The following EXOC2 variants were observed in gnomAD, a reference collection of about 807,000 sequenced individuals.
EXOC2 encodes exocyst complex component 2.
A neutral mutation model predicts 131.8 loss-of-function variants in EXOC2; 70 were observed. The observed-to-expected ratio is 0.53, with a 90% CI of 0.44 to 0.65. The LOEUF is 0.65. EXOC2 is among the 30% of genes least tolerant of loss of function. EXOC2 has a pLI of 0.00. For missense variants in EXOC2, 923 were observed against 1,108.6 expected, an observed-to-expected ratio of 0.83 and a Z score of 2.38; for synonymous variants, 411 against 398.4, an observed-to-expected ratio of 1.03 and a Z score of -0.38.
intron 4 of EXOC2, among the ~76,000 whole-genome samples, chr6:627,077 T>G (rs897414243): frequency 1.3e-4 from 20 of 152,222 alleles, no homozygotes; most frequent in African/African-American, 4.8e-4. Context: ...AATACCATCC[T>G]CTACCAAAGC....
In EXOC2 at chr6:486,786, T is replaced by C. The variant is rs1763084263; in HGVS notation, c.2682-22A>G. 7 of 1,601,566 alleles carry C rather than the reference T, an allele frequency of 4.4e-6. No individual in the cohort carries two copies. The East Asian group carries it at 1.6e-4, about 36-fold the overall frequency. ...TAACCTGCAGGACGGAGACACTTGT[T>C]TTACAGCCCGACAGATGGGGCGGCC... On this transcript the variant is annotated intron_variant, in intron 27 of 27. Transcript: ENST00000230449.
chr6:487,953 C>G (rs1028853505), intron 27 of EXOC2, among the ~76,000 whole-genome samples: 1 of 152,192 alleles, frequency 6.6e-6, no homozygotes, highest in Non-Finnish European at 1.5e-5. Context: ...GTAGCAGTGA[C>G]TGTTTCAATC....
intron 21 of EXOC2, among the ~76,000 whole-genome samples, chr6:550,732 C>T (rs1350293970): frequency 3.3e-5 from 5 of 152,194 alleles, no homozygotes; most frequent in East Asian, 1.9e-4. Context: ...GTCACCATGA[C>T]GCAGTCCCTG....
chr6:608,132 C>T (rs1411215959), intron 7 of EXOC2, among the ~76,000 whole-genome samples: 1 of 152,244 alleles, frequency 6.6e-6, no homozygotes, highest in African/African-American at 2.4e-5. Context: ...AAAATAAATT[C>T]AATTTTCAAC....
At chr6:516,843 T>TA (rs1329225183) in intron 23 of EXOC2, among the ~76,000 whole-genome samples, 2 of 152,214 alleles carry the variant, frequency 1.3e-5, no homozygotes, top group African/African-American at 4.8e-5. Context: ...CTCAGAAGCC[T>TA]AAATTCTCAG....
chr6:551,943 C>T (rs1182914686), intron 21 of EXOC2, among the ~76,000 whole-genome samples: 1 of 152,136 alleles, frequency 6.6e-6, no homozygotes, highest in Admixed American at 6.5e-5. Flanking sequence ...TATATTTGGC[C>T]CTTCTCTCAT....
chr6:592,728 TATATTCA>T, intron 10 of EXOC2, 141 bp from the exon 11 acceptor site: 1 of 622,154 alleles, frequency 1.6e-6, no homozygotes, highest in Non-Finnish European at 2.8e-6. Flanking sequence ...CTCAATGAAA[TATATTCA>T]AATTTCTTGG....
chr6:533,463 C>T (rs1032963317), intron 22 of EXOC2, among the ~76,000 whole-genome samples: 1 of 152,046 alleles, frequency 6.6e-6, no homozygotes, highest in Admixed American at 6.5e-5. Flanking sequence ...GCTTGAGGGG[C>T]GTGCAGGTCA....
intron 22 of EXOC2, 40 bp downstream of exon 22, chr6:549,135 T>G (rs777030890): frequency 8.3e-6 from 13 of 1,557,462 alleles, no homozygotes; most frequent in Middle Eastern, 1.7e-4. Flanking sequence ...ACTGAGCTGG[T>G]AAAACCACCG....
At chr6:491,232 A>C (rs74882030) in intron 25 of EXOC2, 46 bp from the exon 26 acceptor site, 2 of 1,582,948 alleles carry the variant, frequency 1.3e-6, no homozygotes, top group Non-Finnish European at 1.7e-6. Context: ...AATTTATATT[A>C]TCAAATATAA....
At chr6:604,687 C>T (rs1760298563) in intron 7 of EXOC2, among the ~76,000 whole-genome samples, 1 of 141,192 alleles carries the variant, frequency 7.1e-6, no homozygotes. Flanking sequence ...GGGCTGCGGC[C>T]TATCTCCTCT....
chr6:494,716 G>T (rs1450810798), intron 25 of EXOC2, among the ~76,000 whole-genome samples: 1 of 152,096 alleles, frequency 6.6e-6, no homozygotes, highest in African/African-American at 2.4e-5. Context: ...GTCTGTGTAA[G>T]GATTCCTTCA....
At chr6:497,697 C>A (rs1763822090) in intron 24 of EXOC2, among the ~76,000 whole-genome samples, 1 of 152,122 alleles carries the variant, frequency 6.6e-6, no homozygotes, top group Admixed American at 6.5e-5. Context: ...CTTAAAAATA[C>A]AATATTGGCA....
chr6:569,151 G>A (rs540090460), intron 13 of EXOC2, among the ~76,000 whole-genome samples: 1 of 152,220 alleles, frequency 6.6e-6, no homozygotes. Context: ...TTTTTAAAAT[G>A]CTGACTCTTA....
chr6:501,661 C>T (rs1401229681), intron 23 of EXOC2, among the ~76,000 whole-genome samples: 1 of 104,776 alleles, frequency 9.5e-6, no homozygotes, highest in Admixed American at 1.4e-4. Context: ...ATAGATATAT[C>T]TATCTATAAA....
chr6:534,019 A>G (rs1428081927), intron 22 of EXOC2, among the ~76,000 whole-genome samples: 2 of 152,256 alleles, frequency 1.3e-5, no homozygotes. Flanking sequence ...GTATAATACA[A>G]AACAAGATTT....
intron 4 of EXOC2, among the ~76,000 whole-genome samples, chr6:625,518 CTTTTTTTT>C (rs796295514): frequency 1.9e-4 from 21 of 108,046 alleles, no homozygotes; most frequent in East Asian, 5.4e-4. Context: ...TGTTTCCGTT[CTTTTTTTT>C]TTTTTTTTTT....
At chr6:576,629 A>T in intron 12 of EXOC2, 128 bp downstream of exon 12, 1 of 1,039,230 alleles carries the variant, frequency 9.6e-7, no homozygotes, top group South Asian at 2.0e-5. Context: ...AACAAGCAAA[A>T]GCGATGATGG....
chr6:577,771 A>G (rs1758664866), intron 11 of EXOC2, among the ~76,000 whole-genome samples: 1 of 152,158 alleles, frequency 6.6e-6, no homozygotes, highest in South Asian at 2.1e-4. Context: ...AATACACCTT[A>G]CATTTTGCTG....
Sources: gnomAD v4.1 joint callset for allele counts (sites outside exome capture counted in the v4.1 genomes callset) on GRCh38, gnomAD v4.1.1 for gene constraint, MANE v1.5 for transcripts, NCBI Gene and HGNC (gene_info 2026-07-23, HGNC 2026-07-21) for gene names.